The following ZNF804B variants were observed in gnomAD, a reference collection of about 807,000 sequenced individuals.
The protein encoded by ZNF804B is zinc finger protein 804B, also known as zinc finger 804B.
A neutral mutation model predicts 101.4 loss-of-function variants in ZNF804B; 80 were observed. The ratio of observed to expected loss-of-function variants is 0.79; its 90% CI spans 0.66 to 0.95. The LOEUF (loss-of-function observed/expected upper bound fraction) is 0.95, where lower values mean the gene tolerates loss of function less well. Ranked by LOEUF, ZNF804B falls within the 40% of genes least tolerant of loss-of-function variation. The probability of loss-of-function intolerance (pLI) is 0.00; values close to 1 mark genes in which losing one functional copy is unlikely to be tolerated. For missense variants in ZNF804B, 1,673 were observed against 1,561.9 expected (o/e 1.07, Z -1.20); for synonymous variants, 622 against 558.8 (o/e 1.11, Z -1.59).
rs114695293 is a variant in ZNF804B, at chr7:89,197,784, C to T, written c.109-20371C>T. On this transcript the variant is annotated intron_variant, in intron 1 of 3. Coordinates refer to ENST00000333190, the MANE Select transcript of ZNF804B (RefSeq NM_181646.5). ...AGGTTAGTGGATTTAGATTTAGTTT[C>T]GTTATATAGAGTTAAAGATATCTTT... Among the ~76,000 whole-genome samples the T allele has an allele frequency of 3.8e-3, 578 of 151,692 alleles. 7 individuals carry two copies. Among genetic ancestry groups the T allele is most frequent in the African/African-American group, 0.013 (533 of 41,410 alleles).
At chr7:89,226,444 G>A (rs1429616349) in intron 2 of ZNF804B, among the ~76,000 whole-genome samples, 2 of 151,976 alleles carry the variant, frequency 1.3e-5, no homozygotes, top group African/African-American at 2.4e-5. Flanking sequence ...AAAAATAGAT[G>A]ATGTAAAATG....
At chr7:88,774,573 T>C (rs553659042) in intron 1 of ZNF804B, among the ~76,000 whole-genome samples, 2 of 152,334 alleles carry the variant, frequency 1.3e-5, no homozygotes, top group East Asian at 3.9e-4. Flanking sequence ...TAGATGCTGC[T>C]AAATGAAAAT....
intron 1 of ZNF804B, among the ~76,000 whole-genome samples, chr7:88,826,881 A>G (rs1171294319): frequency 6.6e-6 from 1 of 152,154 alleles, no homozygotes; most frequent in South Asian, 2.1e-4. Flanking sequence ...GAAGATTTAT[A>G]TGGATAATTT....
chr7:88,988,587 GAGA>G (rs1489199279), intron 1 of ZNF804B, among the ~76,000 whole-genome samples: 1 of 151,450 alleles, frequency 6.6e-6, no homozygotes. Context: ...CTGCTCTTTT[GAGA>G]AGGATTATGT....
intron 2 of ZNF804B, among the ~76,000 whole-genome samples, chr7:89,246,331 C>A (rs1440878496): frequency 1.3e-5 from 2 of 152,184 alleles, no homozygotes; most frequent in African/African-American, 4.8e-5. Context: ...AGCTGCTACC[C>A]TGAGATCATG....
At chr7:88,911,703 T>G (rs983857031) in intron 1 of ZNF804B, among the ~76,000 whole-genome samples, 4 of 151,608 alleles carry the variant, frequency 2.6e-5, no homozygotes, top group Non-Finnish European at 5.9e-5. Context: ...AAGTGTTCAG[T>G]TCTATGAGTT....
Position 88,759,720 on chromosome 7 carries a change from A to G in ZNF804B, c.-257A>G. 1.9e-6 allele frequency: 1 copy of G among 518,136 alleles called. No homozygotes were observed. Among genetic ancestry groups the G allele is most frequent in the South Asian group, 2.4e-5 (1 of 41,608 alleles). The allele number at this position is 518,136 out of a possible 1,614,324, so 32.1% of individuals were successfully genotyped here. ...TGAGCAGCCACCTCGTCAGAGCAGC[A>G]TGTGGACTGGCTCGCCGGGTCCCCT... is the stretch of plus-strand genomic sequence containing the variant. On this transcript the variant is annotated 5_prime_UTR_variant, in exon 1 of 4. An upstream start codon of the reference 5' UTR is lost. Transcript: ENST00000333190.
In ZNF804B at chr7:88,978,842, C is replaced by A. The variant is rs191614916; in HGVS notation, c.108+218758C>A. Among the ~76,000 whole-genome samples the A allele has an allele frequency of 3.3e-3, 443 of 134,948 alleles. 8 individuals are homozygous for A. Among genetic ancestry groups the A allele is most frequent in the African/African-American group, 0.011 (422 of 37,582 alleles). The allele number at this position is 134,948 out of a possible 152,430, so 88.5% of individuals were successfully genotyped here. ...TCCCTCCTTCCTTCCTTCTTTCCTT[C>A]TTTCCTTCCTTTCTTCCTTCCCATC... is the stretch of plus-strand genomic sequence containing the variant. On this transcript the variant is annotated intron_variant, in intron 1 of 3. Transcript: ENST00000333190.
chr7:89,070,253 G>T (rs1471862806), intron 1 of ZNF804B, among the ~76,000 whole-genome samples: 2 of 152,138 alleles, frequency 1.3e-5, no homozygotes, highest in African/African-American at 4.8e-5. Flanking sequence ...ATTATGTTTT[G>T]TTTTTGAGAG....
At chr7:88,838,656 A>C (rs994195143) in intron 1 of ZNF804B, among the ~76,000 whole-genome samples, 1 of 151,976 alleles carries the variant, frequency 6.6e-6, no homozygotes, top group Non-Finnish European at 1.5e-5. Flanking sequence ...TATAGTGGTA[A>C]GAGCAGGGGC....
intron 1 of ZNF804B, among the ~76,000 whole-genome samples, chr7:89,130,596 G>A (rs1052067125): frequency 4.6e-5 from 7 of 151,882 alleles, no homozygotes; most frequent in African/African-American, 1.7e-4. Flanking sequence ...AAGGATAAAA[G>A]GGGTGAAATG....
intron 2 of ZNF804B, among the ~76,000 whole-genome samples, chr7:89,223,971 A>G (rs910237392): frequency 1.3e-5 from 2 of 152,120 alleles, no homozygotes. Flanking sequence ...CTATTAATAT[A>G]GGTAACATGT....
chr7:89,248,264 T>C (rs1789482026), intron 2 of ZNF804B, among the ~76,000 whole-genome samples: 1 of 151,920 alleles, frequency 6.6e-6, no homozygotes, highest in Admixed American at 6.6e-5. Context: ...AGAACATCTG[T>C]GAGATACTAT....
intron 1 of ZNF804B, among the ~76,000 whole-genome samples, chr7:89,092,331 C>A (rs905087291): frequency 6.6e-6 from 1 of 151,340 alleles, no homozygotes; most frequent in Non-Finnish European, 1.5e-5. Flanking sequence ...TGGGGGAACA[C>A]ACATTCAGAC....
chr7:89,230,009 A>G (rs897321911), intron 2 of ZNF804B, among the ~76,000 whole-genome samples: 1 of 152,178 alleles, frequency 6.6e-6, no homozygotes, highest in Non-Finnish European at 1.5e-5. Context: ...AATATGTCTT[A>G]GTAAAATTTG....
chr7:89,308,211 G>T (rs1259343231), intron 2 of ZNF804B, among the ~76,000 whole-genome samples: 1 of 152,074 alleles, frequency 6.6e-6, no homozygotes, highest in African/African-American at 2.4e-5. Context: ...AAATAGGTAA[G>T]GCATTAGAAA....
intron 1 of ZNF804B, among the ~76,000 whole-genome samples, chr7:89,018,117 G>A (rs1218463222): frequency 4.6e-5 from 7 of 152,124 alleles, no homozygotes; most frequent in South Asian, 2.1e-4. Context: ...CAGGCTTTCC[G>A]TTTTTCCCTA....
chr7:88,869,559 T>C (rs1355966536), intron 1 of ZNF804B, among the ~76,000 whole-genome samples: 4 of 152,240 alleles, frequency 2.6e-5, no homozygotes, highest in Admixed American at 2.0e-4. Context: ...TTTATTATTT[T>C]ATTACCTAAT....
At chr7:88,848,359 A>C (rs755655016) in intron 1 of ZNF804B, among the ~76,000 whole-genome samples, 1 of 152,154 alleles carries the variant, frequency 6.6e-6, no homozygotes, top group Non-Finnish European at 1.5e-5. Context: ...AATGAGTAGC[A>C]TGAGTATTAT....
Sources: gnomAD v4.1 joint callset for allele counts (sites outside exome capture counted in the v4.1 genomes callset) on GRCh38, gnomAD v4.1.1 for gene constraint, MANE v1.5 for transcripts, NCBI Gene and HGNC (gene_info 2026-07-23, HGNC 2026-07-21) for gene names.